The following USP31 variants were observed in gnomAD, a reference collection of about 807,000 sequenced individuals.
The protein encoded by USP31 is ubiquitin specific peptidase 31.
USP31 carries 44 observed loss-of-function variants against 119.4 expected under a neutral mutation model. That is an observed-to-expected ratio of 0.37 (90% confidence interval 0.29 to 0.47). USP31 has a LOEUF of 0.47. Ranked by LOEUF, USP31 falls within the 20% of genes least tolerant of loss-of-function variation. The pLI, the probability that USP31 is intolerant of heterozygous loss-of-function variation, is 0.99. For missense variants in USP31, 1,643 were observed against 1,730.2 expected, an observed-to-expected ratio of 0.95 and a Z score of 0.89; for synonymous variants, 749 against 705.6, an observed-to-expected ratio of 1.06 and a Z score of -0.97.
intron 11 of USP31, among the ~76,000 whole-genome samples, chr16:23,083,171 G>T (rs1043439691): frequency 2.0e-5 from 3 of 152,060 alleles, no homozygotes; most frequent in Admixed American, 1.3e-4. Context: ...CTGGATACTG[G>T]AATTATTTAG....
In USP31 at chr16:23,143,587, G is replaced by GC. The variant is rs1191545649; in HGVS notation, c.633+5050_633+5051insG. On this transcript the variant is annotated intron_variant, in intron 1 of 15. Transcript: ENST00000219689. ...AGGAGAAAGAGAGAGGGAGAGGTTG[G>GC]GGGGGGGGAGAGAGAGAGAAAGAGA... Among the ~76,000 whole-genome samples, 9 of 130,730 alleles carry GC rather than the reference G, an allele frequency of 6.9e-5. No homozygotes were observed. The South Asian group carries it at 7.0e-4, about 10-fold the overall frequency. 85.8% of individuals were successfully genotyped at this position (130,730 alleles called of 152,430 possible). A position where few individuals can be genotyped will look rare whatever the true frequency, so the allele number is the denominator to read the frequency against.
chr16:23,138,196 A>T (rs1190814511), intron 1 of USP31, among the ~76,000 whole-genome samples: 1 of 152,208 alleles, frequency 6.6e-6, no homozygotes, highest in Non-Finnish European at 1.5e-5. Context: ...GACATTTTTT[A>T]AAAATCTCAG....
At chr16:23,115,080 T>C (rs989137547) in intron 1 of USP31, among the ~76,000 whole-genome samples, 4 of 152,188 alleles carry the variant, frequency 2.6e-5, no homozygotes, top group African/African-American at 9.7e-5. Flanking sequence ...ATTCGAATCC[T>C]GGTTCATCAA....
At chr16:23,086,808 A>C (rs373094107) in intron 9 of USP31, among the ~76,000 whole-genome samples, 13 of 152,342 alleles carry the variant, frequency 8.5e-5, no homozygotes, top group African/African-American at 3.1e-4. Flanking sequence ...ACGTTACTTT[A>C]CAAAACTTCA....
chr16:23,071,692 A>G (rs1006587747), intron 15 of USP31, among the ~76,000 whole-genome samples: 15 of 152,126 alleles, frequency 9.9e-5, no homozygotes, highest in African/African-American at 3.1e-4. Flanking sequence ...TGGCCTGGGC[A>G]AAGCACAATC....
chr16:23,090,072 T>C (rs1901284443), intron 7 of USP31, among the ~76,000 whole-genome samples: 1 of 152,102 alleles, frequency 6.6e-6, no homozygotes. Context: ...AAAATACACA[T>C]ATGAAATGGG....
In USP31 at chr16:23,063,439, C is replaced by A. The variant is rs977772800; in HGVS notation, c.*4607G>T. ...TTCTTTCCTTGTGACCAAAATAGAA[C>A]CCTTGAAGATATAAAAAATTAAAAT... is the stretch of plus-strand genomic sequence containing the variant. On this transcript the variant is annotated 3_prime_UTR_variant, in exon 16 of 16. Transcript: ENST00000219689. The A allele has an allele frequency of 1.3e-5, 2 of 152,516 alleles. No homozygotes were observed. Among genetic ancestry groups the A allele is most frequent in the Non-Finnish European group, 2.9e-5 (2 of 68,022 alleles). 9.4% of individuals were successfully genotyped at this position (152,516 alleles called of 1,614,324 possible).
rs765553609 is a variant in USP31, at chr16:23,068,298, G to A, written c.3807C>T (p.Asp1269=). 83 of 1,613,762 alleles carry A rather than the reference G, an allele frequency of 5.1e-5. No homozygotes were observed. Among genetic ancestry groups the A allele is most frequent in the East Asian group, 8.9e-5 (4 of 44,864 alleles). ...GAGGCTGGTGGCCTCTCTCTGCCTC[G>A]TCGTCCCCGGTGTTCTTACAGACAG... ...VKSVCKNTGD[D]EAERGHQPPA... is the part of the protein sequence containing the mutation. The change falls in exon 16 of 16, where the codon GAC becomes GAT. Residue 1269 remains aspartate (D), a synonymous_variant. Coordinates refer to ENST00000219689, the MANE Select transcript of USP31 (RefSeq NM_020718.4).
In USP31 at chr16:23,063,475, T is replaced by C. The variant is rs1054556019; in HGVS notation, c.*4571A>G. On this transcript the variant is annotated 3_prime_UTR_variant, in exon 16 of 16. Coordinates refer to ENST00000219689, the MANE Select transcript of USP31 (RefSeq NM_020718.4). ...ATAAAAAATTAAAATCTATAGAAAA[T>C]GGCAGGTTATTTTTAGAACAAAACA... 2.6e-5 allele frequency: 4 copies of C among 152,586 alleles called. No individual in the cohort carries two copies. Among genetic ancestry groups the C allele is most frequent in the African/African-American group, 7.2e-5 (3 of 41,446 alleles). 9.5% of individuals were successfully genotyped at this position (152,586 alleles called of 1,614,324 possible).
intron 11 of USP31, among the ~76,000 whole-genome samples, chr16:23,084,053 A>T (rs1900978435): frequency 1.3e-5 from 2 of 152,190 alleles, no homozygotes; most frequent in South Asian, 2.1e-4. Flanking sequence ...AATTAAGCAG[A>T]AGAAGAACCC....
At chr16:23,071,653 G>GT (rs1167050906) in intron 15 of USP31, among the ~76,000 whole-genome samples, 2 of 151,716 alleles carry the variant, frequency 1.3e-5, no homozygotes, top group African/African-American at 4.8e-5. Context: ...GGGCCTCCAT[G>GT]CCAAGCCTGG....
chr16:23,105,377 T>C (rs1902052156), intron 5 of USP31, 64 bp downstream of exon 5: 2 of 1,459,210 alleles, frequency 1.4e-6, no homozygotes, highest in East Asian at 4.9e-5. Context: ...TGTAAAAAAT[T>C]CTAAGAGAAC....
chr16:23,087,620 A>C, intron 8 of USP31, 104 bp downstream of exon 8: 6 of 1,043,386 alleles, frequency 5.8e-6, no homozygotes, highest in Non-Finnish European at 8.4e-6. Context: ...ATAAATTCTC[A>C]GTCCTGGAAA....
intron 13 of USP31, among the ~76,000 whole-genome samples, chr16:23,077,592 C>A (rs968026622): frequency 3.9e-5 from 6 of 152,172 alleles, no homozygotes; most frequent in Non-Finnish European, 8.8e-5. Flanking sequence ...CCATCTCTCC[C>A]TACCTTTATA....
At chr16:23,077,239 A>G (rs1227503316) in intron 13 of USP31, among the ~76,000 whole-genome samples, 1 of 152,248 alleles carries the variant, frequency 6.6e-6, no homozygotes, top group African/African-American at 2.4e-5. Context: ...AGATGCGCTC[A>G]AAGTTGGGAT....
intron 1 of USP31, among the ~76,000 whole-genome samples, chr16:23,121,571 G>A (rs1302328386): frequency 1.3e-5 from 2 of 152,196 alleles, no homozygotes; most frequent in Non-Finnish European, 2.9e-5. Context: ...CAAACAAAGA[G>A]AAGAGTGTGA....
rs369668216 is a variant in USP31, at chr16:23,062,790, T to C, written c.*5256A>G. On this transcript the variant is annotated 3_prime_UTR_variant, in exon 16 of 16. Coordinates refer to ENST00000219689, the MANE Select transcript of USP31 (RefSeq NM_020718.4). ...CCAAGCTCCCCAACTGGGCCTTGAA[T>C]CAGAAGGGCCCTTGTATTTCAAATG... 7.2e-5 allele frequency: 11 copies of C among 152,752 alleles called. No individual in the cohort carries two copies. The highest frequency in any genetic ancestry group is 2.6e-4 in the African/African-American group (11 of 41,582). 9.5% of individuals were successfully genotyped at this position (152,752 alleles called of 1,614,324 possible).
rs762308884 is a variant in USP31 at position 23,069,073 on chromosome 16, T to C, written c.3032A>G (p.His1011Arg). The change falls in exon 16 of 16, where the codon CAC becomes CGC. Residue 1011 changes from histidine (H) to arginine (R), a missense_variant. This residue lies in a region of USP31 where 699 missense variants were observed against 650.9 expected (regional missense o/e 1.07). Transcript: ENST00000219689. ...TGGTTTCTTTGCGAGTGAGCCTGGG[T>C]GGCTGGGGGCTTTCACCTCTTTGAC... ...SPVKEVKAPS[H>R]PGSLAKKPES... The C allele has an allele frequency of 6.2e-7, 1 of 1,612,450 alleles. No homozygotes were observed. The highest frequency in any genetic ancestry group is 1.1e-5 in the South Asian group (1 of 91,082).
intron 1 of USP31, among the ~76,000 whole-genome samples, chr16:23,142,486 C>T (rs118151956): frequency 0.028 from 4,263 of 152,288 alleles, 84 homozygotes; most frequent in Middle Eastern, 0.048. Context: ...TATGTTGAGA[C>T]CTGTCGTTTC....
Sources: gnomAD v4.1 joint callset for allele counts (sites outside exome capture counted in the v4.1 genomes callset) on GRCh38, gnomAD v4.1.1 for gene constraint, gnomAD v4.1.1 regional missense constraint, MANE v1.5 for transcripts, NCBI Gene and HGNC (gene_info 2026-07-23, HGNC 2026-07-21) for gene names.